The following FGD3 variants were observed in gnomAD, a reference collection of about 807,000 sequenced individuals.
FGD3 encodes the protein FYVE, RhoGEF and PH domain containing 3.
FGD3 carries 45 observed loss-of-function variants against 71.8 expected under a neutral mutation model. The ratio of observed to expected loss-of-function variants is 0.63; its 90% confidence interval spans 0.49 to 0.80. The LOEUF (loss-of-function observed/expected upper bound fraction) is 0.80. Ranked by LOEUF, FGD3 falls within the 30% of genes least tolerant of loss-of-function variation. The pLI is 0.00. For missense variants in FGD3, 844 were observed against 951.5 expected (o/e 0.89, Z 1.49); for synonymous variants, 378 against 392.8 (o/e 0.96, Z 0.44).
At chr9:92,961,426 G>A (rs1053883003) in intron 1 of FGD3, among the ~76,000 whole-genome samples, 11 of 152,304 alleles carry the variant, frequency 7.2e-5, no homozygotes, top group East Asian at 5.8e-4. Flanking sequence ...GTCCTCCGGG[G>A]TAGAGGACTC....
intron 6 of FGD3, among the ~76,000 whole-genome samples, chr9:93,007,577 G>A (rs774458870): frequency 6.6e-6 from 1 of 152,166 alleles, no homozygotes; most frequent in Non-Finnish European, 1.5e-5. Context: ...TGCTTGAACC[G>A]AGAGGCAGAG....
chr9:92,948,414 G>C (rs185210151), intron 1 of FGD3, among the ~76,000 whole-genome samples: 2 of 152,212 alleles, frequency 1.3e-5, no homozygotes, highest in African/African-American at 4.8e-5. Flanking sequence ...AAGGCTGGCC[G>C]TGTCCCTTTT....
intron 3 of FGD3, among the ~76,000 whole-genome samples, chr9:92,977,447 C>T (rs942042723): frequency 1.3e-5 from 2 of 152,024 alleles, no homozygotes; most frequent in Admixed American, 1.3e-4. Context: ...GAGCGCTTTG[C>T]GGGTCAGGCT....
chr9:93,011,771 G>A (rs931301989), intron 8 of FGD3, among the ~76,000 whole-genome samples: 5 of 151,880 alleles, frequency 3.3e-5, no homozygotes, highest in South Asian at 2.1e-4. Flanking sequence ...CAGAAGAATC[G>A]CTTGAACCTA....
At chr9:92,959,503 T>C (rs954288344) in intron 1 of FGD3, among the ~76,000 whole-genome samples, 1 of 149,834 alleles carries the variant, frequency 6.7e-6, no homozygotes, top group African/African-American at 2.5e-5. Context: ...AGCCTGGGAG[T>C]TCAAGGTCAG....
intron 1 of FGD3, among the ~76,000 whole-genome samples, chr9:92,961,510 T>G (rs1264026841): frequency 6.6e-6 from 1 of 152,202 alleles, no homozygotes. Flanking sequence ...TCCTGGTGGT[T>G]GCTTCTCCAC....
Position 93,014,057 on chromosome 9 carries a change from C to G in FGD3, c.1182+59C>G, listed in dbSNP as rs1861556829. 1.9e-6 allele frequency: 3 copies of G among 1,538,752 alleles called. No individual in the cohort carries two copies. The Admixed American group carries it at 6.3e-5, about 32-fold the overall frequency. ...CCTCCCTTGCCATTTGCCTCAAGCC[C>G]AGGGCAGTGCCAGGAGGGCTCTGGC... On this transcript the variant is annotated intron_variant, in intron 9 of 17. Transcript: ENST00000375482.
intron 15 of FGD3, among the ~76,000 whole-genome samples, chr9:93,032,146 C>T (rs368870737): frequency 2.0e-5 from 3 of 152,216 alleles, no homozygotes; most frequent in Non-Finnish European, 2.9e-5. Context: ...TTGTGAATAA[C>T]GCTGCTATGG....
rs200522249 is a variant in FGD3, at chr9:93,029,936, C to A, written c.1620C>A (p.Ser540Arg). Residue 540 changes from serine to arginine, a missense_variant, in exon 15 of 18, where the codon AGC becomes AGA. By Grantham distance (110) the Ser-to-Arg change is moderately radical (BLOSUM62 -1). Coordinates refer to ENST00000375482, the MANE Select transcript of FGD3 (RefSeq NM_001083536.2). ...ACAAGGAGAAGCAGAGCTGTAAGAGCTGTGGTGAGACCTTCAACTCCATCA... is the reference window on the plus strand; with the variant it reads ...ACAAGGAGAAGCAGAGCTGTAAGAGATGTGGTGAGACCTTCAACTCCATCA... The part of the protein sequence containing the change: ...RRDKEKQSCK[S>R]CGETFNSITK... The A allele has an allele frequency of 6.2e-7, 1 of 1,613,518 alleles. No individual in the cohort carries two copies. The highest frequency in any genetic ancestry group is 1.3e-5 in the African/African-American group (1 of 74,938).
chr9:92,948,863 A>G (rs1182064920), intron 1 of FGD3, among the ~76,000 whole-genome samples: 4 of 152,196 alleles, frequency 2.6e-5, no homozygotes, highest in African/African-American at 9.7e-5. Flanking sequence ...TGTTGTGCCC[A>G]GGGTCCCAGC....
chr9:93,027,254 A>G (rs1009152707), intron 14 of FGD3, among the ~76,000 whole-genome samples: 3 of 152,198 alleles, frequency 2.0e-5, no homozygotes, highest in Admixed American at 2.0e-4. Flanking sequence ...AAACCAGGCC[A>G]CACAGCTGGA....
chr9:93,007,064 A>T (rs1861089357), intron 6 of FGD3, among the ~76,000 whole-genome samples: 1 of 146,384 alleles, frequency 6.8e-6, no homozygotes, highest in Non-Finnish European at 1.5e-5. Flanking sequence ...GCCATACAGA[A>T]TTTTTTATTT....
intron 1 of FGD3, among the ~76,000 whole-genome samples, chr9:92,958,732 T>C (rs1435226041): frequency 6.6e-6 from 1 of 152,230 alleles, no homozygotes; most frequent in Non-Finnish European, 1.5e-5. Flanking sequence ...TTCTAGCTAT[T>C]TTCTGTGTAT....
intron 1 of FGD3, among the ~76,000 whole-genome samples, chr9:92,970,768 C>A (rs1212859949): frequency 6.6e-6 from 1 of 152,160 alleles, no homozygotes; most frequent in Non-Finnish European, 1.5e-5. Flanking sequence ...CGTGTGCACA[C>A]ATGTGTATGT....
intron 11 of FGD3, 118 bp from the exon 12 acceptor site, chr9:93,019,713 T>C: frequency 6.1e-6 from 6 of 988,848 alleles, no homozygotes; most frequent in Non-Finnish European, 9.6e-6. Context: ...CTTCCAATCC[T>C]TGAGCTGCGT....
At chr9:93,023,795 C>CCTTTTTTTTTTTTTTTTTTTTTTTTT (rs1862017356) in intron 14 of FGD3, among the ~76,000 whole-genome samples, 1 of 107,672 alleles carries the variant, frequency 9.3e-6, no homozygotes, top group African/African-American at 3.9e-5. Flanking sequence ...CCATCAGCAA[C>CCTTTTTTTTTTTTTTTTTTTTTTTTT]TTTTTTTTTT....
chr9:92,967,521 G>C (rs1270996209), intron 1 of FGD3, among the ~76,000 whole-genome samples: 1 of 152,180 alleles, frequency 6.6e-6, no homozygotes, highest in African/African-American at 2.4e-5. Context: ...ATTTCACTTA[G>C]CATAATGTCC....
chr9:93,027,939 G>A (rs1288269403), intron 14 of FGD3, among the ~76,000 whole-genome samples: 1 of 151,632 alleles, frequency 6.6e-6, no homozygotes, highest in Non-Finnish European at 1.5e-5. Flanking sequence ...GATTGGTCTC[G>A]AACTTCTGGC....
Position 93,011,201 on chromosome 9 carries a change from C to G in FGD3, c.977-13C>G. The G allele has an allele frequency of 2.5e-6, 4 of 1,614,104 alleles. No homozygotes were observed. The highest frequency in any genetic ancestry group is 3.4e-6 in the Non-Finnish European group (4 of 1,179,984). ...ACCGTGGCCCCAGGCTGAACACAGT[C>G]TTCTTCCTGCAGGGTCCTTGGAGCT... is the stretch of plus-strand genomic sequence containing the variant. On this transcript the variant is annotated splice_polypyrimidine_tract_variant and intron_variant, in intron 7 of 17. Coordinates refer to ENST00000375482, the MANE Select transcript of FGD3 (RefSeq NM_001083536.2).
Sources: allele counts gnomAD v4.1 joint callset (sites outside exome capture counted in the v4.1 genomes callset), GRCh38; gene constraint gnomAD v4.1.1; transcripts MANE v1.5; gene names NCBI Gene and HGNC (gene_info 2026-07-23, HGNC 2026-07-21).